Variants in E2F6 observed in about 807,000 individuals in gnomAD.
The protein encoded by E2F6 is E2F transcription factor 6.
In E2F6, 19 loss-of-function variants were observed where a neutral mutation model predicts 31.5. That is an observed-to-expected ratio of 0.60 (90% confidence interval 0.42 to 0.89). The LOEUF (loss-of-function observed/expected upper bound fraction) is 0.89, where lower values mean the gene tolerates loss of function less well. Among genes scored for constraint, E2F6 ranks in the 40% least tolerant of loss-of-function variants. The probability of loss-of-function intolerance (pLI) is 0.00; values close to 1 mark genes in which losing one functional copy is unlikely to be tolerated. For synonymous variants in E2F6, 121 were observed against 127.7 expected, an observed-to-expected ratio of 0.95 and a Z score of 0.36; for missense variants, 269 against 341.6, an observed-to-expected ratio of 0.79 and a Z score of 1.67.
At chr2:11,460,932 T>G (rs1196888977) in intron 1 of E2F6, among the ~76,000 whole-genome samples, 1 of 151,806 alleles carries the variant, frequency 6.6e-6, no homozygotes, top group African/African-American at 2.4e-5. Flanking sequence ...ACCAGAAACC[T>G]AATACAGATT....
chr2:11,453,891 GACA>G lies in E2F6; in HGVS notation c.164-96_164-94del, dbSNP rs965957825. 2.7e-6 allele frequency: 3 copies of G among 1,099,242 alleles called. No individual in the cohort carries two copies. In the African/African-American group the frequency reaches 4.8e-5, roughly 17 times the overall value. The allele number at this position is 1,099,242 out of a possible 1,614,324, so 68.1% of individuals were successfully genotyped here. A position where few individuals can be genotyped will look rare whatever the true frequency, so the allele number is the denominator to read the frequency against. ...TCTGTTTCCTCTTGATCAGATAGCA[GACA>G]TCTACAGAAATGCCTACACATTGAC... On this transcript the variant is annotated intron_variant, in intron 2 of 6. Transcript: ENST00000381525.
chr2:11,449,507 A>AAAG (rs1670927474), intron 5 of E2F6, among the ~76,000 whole-genome samples: 1 of 152,210 alleles, frequency 6.6e-6, no homozygotes, highest in Non-Finnish European at 1.5e-5. Context: ...TCTGCAAGGG[A>AAAG]AAGAACGCAC....
intron 1 of E2F6, among the ~76,000 whole-genome samples, chr2:11,463,958 G>GGGGGGGGAAAAAAAAAAAAAAAA (rs56958029): frequency 9.4e-6 from 1 of 106,360 alleles, no homozygotes; most frequent in Non-Finnish European, 2.0e-5. Flanking sequence ...CGGGGGGGGG[G>GGGGGGGGAAAAAAAAAAAAAAAA]ACAAAAACAA....
At chr2:11,457,528 C>T (rs988818243) in intron 1 of E2F6, among the ~76,000 whole-genome samples, 4 of 152,148 alleles carry the variant, frequency 2.6e-5, no homozygotes, top group African/African-American at 9.7e-5. Flanking sequence ...GAGGCTGTGG[C>T]AAGAGAATCG....
chr2:11,458,909 G>A (rs1671587288), intron 1 of E2F6, among the ~76,000 whole-genome samples: 1 of 152,126 alleles, frequency 6.6e-6, no homozygotes, highest in South Asian at 2.1e-4. Context: ...GACTAGGTCT[G>A]GCCAGCTCTC....
At chr2:11,452,649 C>G (rs1280386683) in intron 3 of E2F6, among the ~76,000 whole-genome samples, 1 of 151,686 alleles carries the variant, frequency 6.6e-6, no homozygotes, top group African/African-American at 2.4e-5. Context: ...TTATTAGTGC[C>G]TACTCCAATA....
rs1260030167 is a variant in E2F6 at position 11,445,559 on chromosome 2, C to T, written c.*918G>A. 6.6e-6 allele frequency: 1 copy of T among 152,070 alleles called. No homozygotes were observed. Among genetic ancestry groups the T allele is most frequent in the Non-Finnish European group, 1.5e-5 (1 of 68,002 alleles). 9.4% of individuals were successfully genotyped at this position (152,070 alleles called of 1,614,324 possible). On this transcript the variant is annotated 3_prime_UTR_variant, in exon 7 of 7. Transcript: ENST00000381525. ...CCCTTGGACTGACTCAACAGCAAGGCTGCATACACAAACATTACAAAATCT... is the reference window on the plus strand; with the variant it reads ...CCCTTGGACTGACTCAACAGCAAGGTTGCATACACAAACATTACAAAATCT...
Position 11,457,337 on chromosome 2 carries a change from A to G in E2F6, c.109-104T>C. ...AAAGGTCTGGGAATATGAATATGAT[A>G]ATTACTGGCTGGGCAGAGGCTCACG... On this transcript the variant is annotated intron_variant, in intron 1 of 6. Coordinates refer to ENST00000381525, the MANE Select transcript of E2F6 (RefSeq NM_198256.4). 4 of 750,132 alleles carry G rather than the reference A, an allele frequency of 5.3e-6. No individual in the cohort carries two copies. In the South Asian group the frequency reaches 6.6e-5, roughly 12 times the overall value. 46.5% of individuals were successfully genotyped at this position (750,132 alleles called of 1,614,324 possible).
chr2:11,458,610 A>T (rs769786018), intron 1 of E2F6, among the ~76,000 whole-genome samples: 1 of 152,254 alleles, frequency 6.6e-6, no homozygotes. Context: ...GTTTAGAAAT[A>T]TAAGTATGGC....
chr2:11,462,783 T>C (rs955550193), intron 1 of E2F6, among the ~76,000 whole-genome samples: 2 of 152,216 alleles, frequency 1.3e-5, no homozygotes, highest in African/African-American at 4.8e-5. Flanking sequence ...ACTGGACAGC[T>C]CAAGATTTCA....
chr2:11,465,192 A>AG (rs1553336837), intron 1 of E2F6, among the ~76,000 whole-genome samples: 2 of 144,884 alleles, frequency 1.4e-5, no homozygotes, highest in Non-Finnish European at 3.0e-5. Flanking sequence ...AAAAAAAAAA[A>AG]AAAAGAAAAA....
intron 4 of E2F6, chr2:11,451,220 C>T (rs1260943808): frequency 6.5e-6 from 1 of 152,870 alleles, no homozygotes; most frequent in African/African-American, 2.4e-5. Flanking sequence ...GTGGTACCAT[C>T]AACCTTGGTT....
intron 1 of E2F6, among the ~76,000 whole-genome samples, chr2:11,461,473 T>C (rs1671776978): frequency 6.6e-6 from 1 of 152,216 alleles, no homozygotes; most frequent in Admixed American, 6.5e-5. Context: ...TGCCTCAGCC[T>C]CCCGAGTAGC....
intron 1 of E2F6, among the ~76,000 whole-genome samples, chr2:11,460,095 A>G (rs1297585284): frequency 1.3e-5 from 2 of 152,148 alleles, no homozygotes; most frequent in African/African-American, 2.4e-5. Context: ...TCCCCTATTT[A>G]AAGACCTATA....
At chr2:11,447,570 A>G in intron 6 of E2F6, 57 bp downstream of exon 6, 2 of 1,577,256 alleles carry the variant, frequency 1.3e-6, no homozygotes, top group Non-Finnish European at 1.7e-6. Flanking sequence ...CATAATACAC[A>G]TTAATAAAAT....
intron 2 of E2F6, among the ~76,000 whole-genome samples, chr2:11,454,141 A>T (rs1329433600): frequency 1.3e-5 from 2 of 152,256 alleles, no homozygotes; most frequent in Non-Finnish European, 2.9e-5. Context: ...ATAGAATTAC[A>T]CATGATTTTT....
rs1391166499 is a variant in E2F6, at chr2:11,446,211, A to G, written c.*266T>C. The G allele has an allele frequency of 6.6e-6, 3 of 452,896 alleles. No individual in the cohort carries two copies. The highest frequency in any genetic ancestry group is 7.9e-6 in the Non-Finnish European group (2 of 252,180). The allele number at this position is 452,896 out of a possible 1,614,324, so 28.1% of individuals were successfully genotyped here. A position where few individuals can be genotyped will look rare whatever the true frequency, so the allele number is the denominator to read the frequency against. The stretch of plus-strand genomic sequence containing the variant: ...CTGTCTGTCTTCATGACACTCTGTG[A>G]TGAAGCTACTTCAGGAGGCAAGATG... On this transcript the variant is annotated 3_prime_UTR_variant, in exon 7 of 7. Transcript: ENST00000381525.
Position 11,444,857 on chromosome 2 carries a change from C to T in E2F6, c.*1620G>A, listed in dbSNP as rs545089756. 6.6e-6 allele frequency: 1 copy of T among 152,376 alleles called. No homozygotes were observed. Among genetic ancestry groups the T allele is most frequent in the South Asian group, 2.1e-4 (1 of 4,832 alleles). The allele number at this position is 152,376 out of a possible 1,614,324, so 9.4% of individuals were successfully genotyped here. Reference sequence around the variant, plus strand: ...AGGCTTGCTCCTCCTCCTGTATTCCCTATTCTGTCAAACAGTACGACCCAC... The same window carrying T: ...AGGCTTGCTCCTCCTCCTGTATTCCTTATTCTGTCAAACAGTACGACCCAC... On this transcript the variant is annotated 3_prime_UTR_variant, in exon 7 of 7. Coordinates refer to ENST00000381525, the MANE Select transcript of E2F6 (RefSeq NM_198256.4).
rs557993937 is a variant in E2F6 at position 11,457,004 on chromosome 2, CAT to C, written c.163+173_163+174del. On this transcript the variant is annotated intron_variant, in intron 2 of 6. Coordinates refer to ENST00000381525, the MANE Select transcript of E2F6 (RefSeq NM_198256.4). ...TGGAGAATAAACTGGCATTTGTGCACATGATTCAACCCATAACCTCAGGAGTT... is the reference window on the plus strand; with the variant it reads ...TGGAGAATAAACTGGCATTTGTGCACGATTCAACCCATAACCTCAGGAGTT... The C allele has an allele frequency of 2.4e-3, 1,400 of 581,078 alleles. 1 individual carries two copies. The highest frequency in any genetic ancestry group is 3.8e-3 in the Non-Finnish European group (1,201 of 318,632). 36.0% of individuals were successfully genotyped at this position (581,078 alleles called of 1,614,324 possible).
Sources: allele counts gnomAD v4.1 joint callset (sites outside exome capture counted in the v4.1 genomes callset), GRCh38; gene constraint gnomAD v4.1.1; transcripts MANE v1.5; gene names NCBI Gene and HGNC (gene_info 2026-07-23, HGNC 2026-07-21).